RALGAPA2: variants seen among roughly 807,000 people sequenced by gnomAD.
RALGAPA2 encodes the protein ral GTPase-activating protein subunit alpha-2.
A neutral mutation model predicts 230.4 loss-of-function variants in RALGAPA2; 139 were observed. The ratio of observed to expected loss-of-function variants is 0.60; its 90% CI spans 0.53 to 0.69. The LOEUF (loss-of-function observed/expected upper bound fraction) is 0.69. RALGAPA2 is among the 30% of genes least tolerant of loss of function. RALGAPA2 has a pLI of 0.00. For missense variants in RALGAPA2, 2,163 were observed against 2,276.0 expected (o/e 0.95, Z 1.01); for synonymous variants, 847 against 837.8 (o/e 1.01, Z -0.19).
intron 23 of RALGAPA2, among the ~76,000 whole-genome samples, chr20:20,555,113 G>C (rs967785726): frequency 6.6e-6 from 1 of 152,122 alleles, no homozygotes; most frequent in Non-Finnish European, 1.5e-5. Context: ...GTGTGAGGTA[G>C]GGGTCCAACT....
At chr20:20,424,708 G>A (rs2060344659) in intron 37 of RALGAPA2, among the ~76,000 whole-genome samples, 1 of 152,068 alleles carries the variant, frequency 6.6e-6, no homozygotes, top group Non-Finnish European at 1.5e-5. Flanking sequence ...GTTAAATGAT[G>A]AGTTAATGGG....
chr20:20,702,303 A>C (rs1203194818), intron 1 of RALGAPA2, among the ~76,000 whole-genome samples: 1 of 152,182 alleles, frequency 6.6e-6, no homozygotes, highest in Non-Finnish European at 1.5e-5. Context: ...GTAGAGGCCA[A>C]GACAGGATTA....
At chr20:20,502,731 A>G (rs1240754380) in intron 35 of RALGAPA2, among the ~76,000 whole-genome samples, 2 of 152,200 alleles carry the variant, frequency 1.3e-5, no homozygotes, top group Non-Finnish European at 2.9e-5. Flanking sequence ...AGGTGAGTGC[A>G]TATCACAGTT....
At chr20:20,459,145 A>T (rs1602430428) in intron 37 of RALGAPA2, among the ~76,000 whole-genome samples, 1 of 152,088 alleles carries the variant, frequency 6.6e-6, no homozygotes, top group Non-Finnish European at 1.5e-5. Context: ...GAATCACTGA[A>T]TCACAGAACT....
intron 37 of RALGAPA2, among the ~76,000 whole-genome samples, chr20:20,434,213 C>T (rs887428767): frequency 6.6e-6 from 1 of 152,136 alleles, no homozygotes; most frequent in African/African-American, 2.4e-5. Flanking sequence ...CTCTCCCAAA[C>T]AAAAGTTGCT....
intron 26 of RALGAPA2, among the ~76,000 whole-genome samples, chr20:20,533,321 A>C (rs954325427): frequency 4.6e-5 from 7 of 152,112 alleles, no homozygotes; most frequent in African/African-American, 1.7e-4. Context: ...GACTATAAAA[A>C]GGTTAATTAA....
At chr20:20,394,644 C>T (rs1244894285) in intron 39 of RALGAPA2, among the ~76,000 whole-genome samples, 1 of 151,008 alleles carries the variant, frequency 6.6e-6, no homozygotes, top group Admixed American at 6.6e-5. Flanking sequence ...AAAAAAACAC[C>T]ACACATGAAA....
At chr20:20,581,181 G>T (rs2064973447) in intron 20 of RALGAPA2, among the ~76,000 whole-genome samples, 1 of 152,158 alleles carries the variant, frequency 6.6e-6, no homozygotes, top group Non-Finnish European at 1.5e-5. Context: ...CCTCACAGAG[G>T]TTTATTAAAT....
chr20:20,626,007 T>G (rs1013288184), intron 10 of RALGAPA2, among the ~76,000 whole-genome samples: 1 of 152,310 alleles, frequency 6.6e-6, no homozygotes, highest in South Asian at 2.1e-4. Flanking sequence ...TCTGCCCCAA[T>G]AGCTCACCAG....
intron 26 of RALGAPA2, among the ~76,000 whole-genome samples, chr20:20,533,043 A>G (rs1602679628): frequency 6.6e-6 from 1 of 151,948 alleles, no homozygotes; most frequent in East Asian, 1.9e-4. Context: ...TCCAAAAAAA[A>G]AAGAAGAAAG....
At chr20:20,546,909 T>G (rs1445927076) in intron 23 of RALGAPA2, 77 bp from the exon 24 acceptor site, 1 of 1,392,858 alleles carries the variant, frequency 7.2e-7, no homozygotes, top group African/African-American at 1.5e-5. Flanking sequence ...TAGTGGTACA[T>G]ATGACCACTG....
At chr20:20,604,366 G>A (rs1489108916) in intron 15 of RALGAPA2, among the ~76,000 whole-genome samples, 1 of 152,190 alleles carries the variant, frequency 6.6e-6, no homozygotes, top group African/African-American at 2.4e-5. Context: ...ACTTTCATTT[G>A]AGGTTCTCAG....
chr20:20,402,989 G>T (rs1307484571), intron 38 of RALGAPA2, among the ~76,000 whole-genome samples: 1 of 152,144 alleles, frequency 6.6e-6, no homozygotes, highest in African/African-American at 2.4e-5. Flanking sequence ...CCTGCCTCAG[G>T]CCCTTCCACC....
intron 1 of RALGAPA2, among the ~76,000 whole-genome samples, chr20:20,690,626 A>G (rs1314082483): frequency 1.3e-5 from 2 of 151,036 alleles, no homozygotes; most frequent in Non-Finnish European, 2.9e-5. Flanking sequence ...TGCCACCTGT[A>G]AAGGCTGTTT....
chr20:20,531,584 T>C, intron 27 of RALGAPA2, 103 bp downstream of exon 27: 4 of 995,024 alleles, frequency 4.0e-6, no homozygotes, highest in Non-Finnish European at 6.1e-6. Flanking sequence ...TCACAATCCC[T>C]CTGTCATTTG....
intron 36 of RALGAPA2, among the ~76,000 whole-genome samples, chr20:20,487,914 A>G (rs1203560665): frequency 2.8e-5 from 4 of 144,620 alleles, no homozygotes; most frequent in African/African-American, 5.3e-5. Context: ...TCGGTCTCGA[A>G]AAAAAAAAAA....
In RALGAPA2 at chr20:20,393,104, G is replaced by T. The variant is rs774322452; in HGVS notation, c.*185C>A. On this transcript the variant is annotated 3_prime_UTR_variant, in exon 40 of 40. Transcript: ENST00000202677. ...CCATGGGCTTCAGAAGTCCACTAAT[G>T]GGAAGACCTGCTGAGGGCACTAGTA... 2.2e-6 allele frequency: 3 copies of T among 1,357,294 alleles called. No homozygotes were observed. The highest frequency in any genetic ancestry group is 2.3e-5 in the South Asian group (2 of 85,634). The allele number at this position is 1,357,294 out of a possible 1,614,324, so 84.1% of individuals were successfully genotyped here.
Position 20,468,963 on chromosome 20 carries a change from T to G in RALGAPA2, c.5495+3866A>C, listed in dbSNP as rs200346052. Among the ~76,000 whole-genome samples, 199 of 143,370 alleles carry G rather than the reference T, an allele frequency of 1.4e-3. 2 individuals carry two copies. Among genetic ancestry groups the G allele is most frequent in the Admixed American group, 1.6e-3 (23 of 14,248 alleles). The allele number at this position is 143,370 out of a possible 152,430, so 94.1% of individuals were successfully genotyped here. A position where few individuals can be genotyped will look rare whatever the true frequency, so the allele number is the denominator to read the frequency against. ...ATCCTGTGTGTGTGTGTGTGTGTGT[T>G]TGTGTGTGTGTGTGTGTGTGTGTGT... On this transcript the variant is annotated intron_variant, in intron 37 of 39. Transcript: ENST00000202677.
intron 35 of RALGAPA2, among the ~76,000 whole-genome samples, chr20:20,500,387 TTTTGTTGTAATTTCAACAATGTTCA>T (rs1287200468): frequency 4.6e-5 from 7 of 152,236 alleles, no homozygotes; most frequent in African/African-American, 1.7e-4. Flanking sequence ...ATTCTAAATC[TTTTGTTGTAATTTCAACAATGTTCA>T]TAGCATCATC....
Sources: allele counts gnomAD v4.1 joint callset (sites outside exome capture counted in the v4.1 genomes callset), GRCh38; gene constraint gnomAD v4.1.1; transcripts MANE v1.5; gene names NCBI Gene and HGNC (gene_info 2026-07-23, HGNC 2026-07-21).